The following ADAMDEC1 variants were observed in gnomAD, a reference collection of about 807,000 sequenced individuals.
ADAMDEC1 encodes the protein ADAM like decysin 1.
ADAMDEC1 carries 62 observed loss-of-function variants against 60.4 expected under a neutral mutation model. The ratio of observed to expected loss-of-function variants is 1.03; its 90% CI spans 0.84 to 1.27. The LOEUF (loss-of-function observed/expected upper bound fraction) is 1.27, where lower values mean the gene tolerates loss of function less well. ADAMDEC1 is among the 50% of genes most tolerant of loss of function. ADAMDEC1 has a pLI of 0.00. For missense variants in ADAMDEC1, 595 were observed against 565.0 expected (o/e 1.05, Z -0.54); for synonymous variants, 210 against 195.1 (o/e 1.08, Z -0.64).
chr8:24,401,785 G>T, intron 11 of ADAMDEC1, 130 bp from the exon 12 acceptor site: 2 of 807,382 alleles, frequency 2.5e-6, no homozygotes, highest in African/African-American at 1.7e-5. Flanking sequence ...TGCCAAATTT[G>T]GAATTTCCAT....
chr8:24,395,715 TC>T lies in ADAMDEC1; in HGVS notation c.364-3del. ...CTGAAGCATAATTTCTTTTTTCCAC[TC>T]CAGGAACACTGTTACTATAAAGGAA... On this transcript the variant is annotated splice_polypyrimidine_tract_variant and splice_region_variant and intron_variant, in intron 4 of 13. Coordinates refer to ENST00000256412, the MANE Select transcript of ADAMDEC1 (RefSeq NM_014479.3). 4 of 1,609,050 alleles carry T rather than the reference TC, an allele frequency of 2.5e-6. No homozygotes were observed. The highest frequency in any genetic ancestry group is 2.5e-6 in the Non-Finnish European group (3 of 1,176,548).
At position 24,398,978 on chromosome 8, in the gene ADAMDEC1, C is replaced by T. The variant is rs779047737; in HGVS notation, c.867C>T (p.Asn289=). 2.6e-5 allele frequency: 42 copies of T among 1,613,730 alleles called. No homozygotes were observed. The highest frequency in any genetic ancestry group is 3.2e-5 in the Non-Finnish European group (38 of 1,179,850). Residue 289 remains asparagine, a synonymous_variant, in exon 9 of 14, where the codon AAC becomes AAT. Coordinates refer to ENST00000256412, the MANE Select transcript of ADAMDEC1 (RefSeq NM_014479.3). ...CCAGCGCAAGCACCACGTTTGACAACTTCCTGAGATGGCACAGTTCTAACC... is the reference window on the plus strand; with the variant it reads ...CCAGCGCAAGCACCACGTTTGACAATTTCCTGAGATGGCACAGTTCTAACC... ...VVPSASTTFD[N]FLRWHSSNLG...
intron 12 of ADAMDEC1, among the ~76,000 whole-genome samples, chr8:24,402,431 A>G (rs1817788912): frequency 6.6e-6 from 1 of 152,188 alleles, no homozygotes. Flanking sequence ...TTAGAGATCT[A>G]GAAGTAAGTT....
At chr8:24,394,405 C>A (rs1012199463) in intron 4 of ADAMDEC1, among the ~76,000 whole-genome samples, 2 of 152,054 alleles carry the variant, frequency 1.3e-5, no homozygotes, top group Non-Finnish European at 2.9e-5. Flanking sequence ...TGGAAGCAAC[C>A]AAAAGTCCAC....
chr8:24,388,293 A>T (rs1387702107), intron 1 of ADAMDEC1, among the ~76,000 whole-genome samples: 1 of 145,234 alleles, frequency 6.9e-6, no homozygotes, highest in African/African-American at 2.9e-5. Context: ...CCTTTTGCAT[A>T]AAAAAATCTT....
chr8:24,390,782 T>C (rs746610354), intron 1 of ADAMDEC1, among the ~76,000 whole-genome samples: 20 of 151,672 alleles, frequency 1.3e-4, no homozygotes, highest in Non-Finnish European at 7.4e-5. Context: ...TTGGATTTGG[T>C]TTTATTTTTT....
At chr8:24,388,780 G>A (rs1254003362) in intron 1 of ADAMDEC1, among the ~76,000 whole-genome samples, 1 of 152,038 alleles carries the variant, frequency 6.6e-6, no homozygotes, top group Non-Finnish European at 1.5e-5. Flanking sequence ...CTGTTTCATG[G>A]TGGGCAGGTC....
At chr8:24,393,855 G>T (rs918284067) in intron 3 of ADAMDEC1, among the ~76,000 whole-genome samples, 1 of 152,220 alleles carries the variant, frequency 6.6e-6, no homozygotes, top group Non-Finnish European at 1.5e-5. Context: ...CAGATGGGAA[G>T]AAGATGAGGG....
At position 24,405,438 on chromosome 8, in the gene ADAMDEC1, G is replaced by T. The variant is rs754130951; in HGVS notation, c.*140G>T. On this transcript the variant is annotated 3_prime_UTR_variant, in exon 14 of 14. Transcript: ENST00000256412. ...ACTTTCTATATTGTTATCAGTCCAG[G>T]AAACAGGTAAACAGATGTAATTAGA... 1 of 918,768 alleles carries T rather than the reference G, an allele frequency of 1.1e-6. No individual in the cohort carries two copies. Among genetic ancestry groups the T allele is most frequent in the Non-Finnish European group, 1.7e-6 (1 of 601,058 alleles). The allele number at this position is 918,768 out of a possible 1,614,324, so 56.9% of individuals were successfully genotyped here. A position where few individuals can be genotyped will look rare whatever the true frequency, so the allele number is the denominator to read the frequency against.
Position 24,395,775 on chromosome 8 carries a change from TCAGTA to T in ADAMDEC1, c.421_425del (p.Ser141LeufsTer2). The T allele has an allele frequency of 6.2e-7, 1 of 1,613,604 alleles. No homozygotes were observed. The highest frequency in any genetic ancestry group is 8.5e-7 in the Non-Finnish European group (1 of 1,179,748). On this transcript the variant is annotated frameshift_variant, in exon 5 of 14. Transcript: ENST00000256412. LOFTEE classifies it high-confidence loss of function. ...AATGAAAAGAATTCTGTTGCCAGCA[TCAGTA>T]CTTGTGACGGGTTGAGGTAAGAACT...
intron 12 of ADAMDEC1, among the ~76,000 whole-genome samples, chr8:24,402,457 G>A (rs1289800086): frequency 6.6e-6 from 1 of 152,124 alleles, no homozygotes; most frequent in Non-Finnish European, 1.5e-5. Flanking sequence ...CAGAGGGAGA[G>A]TTGGTCTTTT....
At position 24,392,287 on chromosome 8, in the gene ADAMDEC1, A is replaced by C. The variant is rs1817464714; in HGVS notation, c.114A>C (p.Glu38Asp). The C allele has an allele frequency of 6.2e-7, 1 of 1,611,696 alleles. No individual in the cohort carries two copies. The highest frequency in any genetic ancestry group is 1.3e-5 in the African/African-American group (1 of 74,834). Residue 38 changes from glutamate to aspartate, a missense_variant, in exon 2 of 14, where the codon GAA becomes GAC. Glu to Asp is a conservative substitution (Grantham distance 45). Coordinates refer to ENST00000256412, the MANE Select transcript of ADAMDEC1 (RefSeq NM_014479.3). ...TQAIAIKQTP[E>D]LTLHEIVCPK... ...CAATAGCCATAAAGCAAACACCTGA[A>C]TTAACGCTCCATGAAATAGTTTGTC...
intron 2 of ADAMDEC1, among the ~76,000 whole-genome samples, chr8:24,392,886 GTTTTTTTTTT>G (rs34415946): frequency 1.8e-4 from 9 of 50,366 alleles, no homozygotes; most frequent in Non-Finnish European, 2.5e-4. Context: ...GGGTTGAGAG[GTTTTTTTTTT>G]TTTTTTTTTT....
At chr8:24,398,617 G>T in intron 8 of ADAMDEC1, 66 bp downstream of exon 8, 1 of 1,223,716 alleles carries the variant, frequency 8.2e-7, no homozygotes, top group Non-Finnish European at 1.2e-6. Flanking sequence ...ACTTCCCTAA[G>T]ATTTCACCAA....
chr8:24,391,596 C>T (rs1817446245), intron 1 of ADAMDEC1, among the ~76,000 whole-genome samples: 1 of 152,154 alleles, frequency 6.6e-6, no homozygotes, highest in Non-Finnish European at 1.5e-5. Context: ...CATAAACAAT[C>T]TTCCTACTTC....
intron 2 of ADAMDEC1, among the ~76,000 whole-genome samples, chr8:24,392,725 T>G (rs1350928038): frequency 1.3e-5 from 2 of 152,164 alleles, no homozygotes; most frequent in Non-Finnish European, 2.9e-5. Context: ...TGAATTGTCT[T>G]TTTCCTCAGC....
chr8:24,394,001 C>A, intron 3 of ADAMDEC1, 68 bp from the exon 4 acceptor site: 2 of 1,033,570 alleles, frequency 1.9e-6, no homozygotes, highest in Non-Finnish European at 3.0e-6. Flanking sequence ...TATTTTAGTG[C>A]TGAAGTTCAG....
chr8:24,390,783 T>G (rs1412549719), intron 1 of ADAMDEC1, among the ~76,000 whole-genome samples: 1 of 151,814 alleles, frequency 6.6e-6, no homozygotes, highest in Non-Finnish European at 1.5e-5. Context: ...TGGATTTGGT[T>G]TTATTTTTTT....
Position 24,403,992 on chromosome 8 carries a change from G to C in ADAMDEC1, c.1321-11G>C, listed in dbSNP as rs1817827946. 2 of 1,611,292 alleles carry C rather than the reference G, an allele frequency of 1.2e-6. No homozygotes were observed. The highest frequency in any genetic ancestry group is 1.7e-5 in the Admixed American group (1 of 59,676). On this transcript the variant is annotated splice_polypyrimidine_tract_variant and intron_variant, in intron 12 of 13. Coordinates refer to ENST00000256412, the MANE Select transcript of ADAMDEC1 (RefSeq NM_014479.3). ...GAACCCACCTTTTTCCATTGTGTGTGTGCTTTGAAGGAGTGTACCAATCTC... is the reference window on the plus strand; with the variant it reads ...GAACCCACCTTTTTCCATTGTGTGTCTGCTTTGAAGGAGTGTACCAATCTC...
Sources: gnomAD v4.1 joint callset for allele counts (sites outside exome capture counted in the v4.1 genomes callset) on GRCh38, gnomAD v4.1.1 for gene constraint, MANE v1.5 for transcripts, NCBI Gene and HGNC (gene_info 2026-07-23, HGNC 2026-07-21) for gene names.